Variants in ZGRF1 observed in about 807,000 individuals in gnomAD.
ZGRF1 encodes zinc finger GRF-type containing 1, also known as 5'-3' DNA helicase ZGRF1.
Under a neutral mutation model 203.5 loss-of-function variants are expected in ZGRF1, and 196 were observed. That is an observed-to-expected ratio of 0.96 (90% CI 0.86 to 1.08). The LOEUF is 1.08. ZGRF1 is among the 50% of genes least tolerant of loss of function. The pLI, the probability that ZGRF1 is intolerant of heterozygous loss-of-function variation, is 0.00. For synonymous variants in ZGRF1, 809 were observed against 841.3 expected, an observed-to-expected ratio of 0.96 and a Z score of 0.66; for missense variants, 2,326 against 2,416.3, an observed-to-expected ratio of 0.96 and a Z score of 0.78.
intron 16 of ZGRF1, among the ~76,000 whole-genome samples, chr4:112,572,067 G>A (rs1262717025): frequency 6.6e-6 from 1 of 151,890 alleles, no homozygotes; most frequent in African/African-American, 2.4e-5. Flanking sequence ...TAGCAAAATT[G>A]GTAATTAAAA....
intron 24 of ZGRF1, among the ~76,000 whole-genome samples, chr4:112,543,532 TC>T (rs1399348714): frequency 6.6e-6 from 1 of 152,052 alleles, no homozygotes; most frequent in Non-Finnish European, 1.5e-5. Flanking sequence ...CTTTTAGAAT[TC>T]CCCCAAATAA....
chr4:112,547,520 T>A lies in ZGRF1; in HGVS notation c.5475-112A>T. 3.2e-6 allele frequency: 3 copies of A among 925,680 alleles called. No individual in the cohort carries two copies. In the Admixed American group the frequency reaches 8.1e-5, roughly 25 times the overall value. 57.3% of individuals were successfully genotyped at this position (925,680 alleles called of 1,614,324 possible). A position where few individuals can be genotyped will look rare whatever the true frequency, so the allele number is the denominator to read the frequency against. On this transcript the variant is annotated intron_variant, in intron 23 of 27. Coordinates refer to ENST00000505019, the MANE Select transcript of ZGRF1 (RefSeq NM_018392.5). ...CGAAATATTCAAATGCCATGAAGTA[T>A]CCTGAGTACTAATAAAGCTTAGTAG...
intron 16 of ZGRF1, among the ~76,000 whole-genome samples, chr4:112,573,216 T>C (rs1393028125): frequency 6.7e-6 from 1 of 149,508 alleles, no homozygotes; most frequent in Non-Finnish European, 1.5e-5. Context: ...GGAATACTAT[T>C]CAGCCATAAA....
Position 112,540,164 on chromosome 4 carries a change from T to C in ZGRF1, c.5911-40A>G, listed in dbSNP as rs377360011. On this transcript the variant is annotated intron_variant, in intron 26 of 27. Transcript: ENST00000505019. The stretch of plus-strand genomic sequence containing the variant: ...ACAGCAATCATGTAGTAAGAGATTG[T>C]GAAGAACTTAAGCCTCTGAACCTGC... 28 of 1,451,586 alleles carry C rather than the reference T, an allele frequency of 1.9e-5. No individual in the cohort carries two copies. In the African/African-American group the frequency reaches 2.0e-4, roughly 10 times the overall value. 89.9% of individuals were successfully genotyped at this position (1,451,586 alleles called of 1,614,324 possible). A position where few individuals can be genotyped will look rare whatever the true frequency, so the allele number is the denominator to read the frequency against.
At chr4:112,551,726 A>G (rs1739992821) in intron 22 of ZGRF1, among the ~76,000 whole-genome samples, 2 of 152,212 alleles carry the variant, frequency 1.3e-5, no homozygotes, top group African/African-American at 4.8e-5. Flanking sequence ...ATTTCTGGCA[A>G]CTATATCTAC....
At chr4:112,547,182 A>T in intron 24 of ZGRF1, 103 bp downstream of exon 24, 1 of 1,164,664 alleles carries the variant, frequency 8.6e-7, no homozygotes, top group Non-Finnish European at 1.2e-6. Context: ...ACATTATTTT[A>T]AGGCAGGACT....
At chr4:112,592,245 G>A (rs1347943067) in intron 10 of ZGRF1, among the ~76,000 whole-genome samples, 2 of 151,984 alleles carry the variant, frequency 1.3e-5, no homozygotes, top group East Asian at 3.9e-4. Context: ...CTACAGGCGT[G>A]TGCCACCACC....
intron 23 of ZGRF1, 75 bp downstream of exon 23, chr4:112,548,178 C>A: frequency 7.3e-7 from 1 of 1,379,106 alleles, no homozygotes; most frequent in Non-Finnish European, 9.9e-7. Context: ...TAGACTCAAG[C>A]AATCCACCTG....
At chr4:112,589,580 T>G in intron 11 of ZGRF1, 144 bp downstream of exon 11, 1 of 692,254 alleles carries the variant, frequency 1.4e-6, no homozygotes, top group Non-Finnish European at 2.5e-6. Flanking sequence ...TAGAAAAAGT[T>G]CAAAGGAAGA....
At chr4:112,588,100 AG>A (rs1459999139) in intron 11 of ZGRF1, among the ~76,000 whole-genome samples, 171 bp from the exon 12 acceptor site, 1 of 152,110 alleles carries the variant, frequency 6.6e-6, no homozygotes, top group African/African-American at 2.4e-5. Flanking sequence ...CAAAAAATAA[AG>A]ATTTCAAAGC....
intron 16 of ZGRF1, among the ~76,000 whole-genome samples, chr4:112,576,428 G>C (rs1218751609): frequency 1.3e-5 from 2 of 152,204 alleles, no homozygotes; most frequent in Admixed American, 6.5e-5. Context: ...GCTGGACAGA[G>C]AATGACTTTG....
intron 10 of ZGRF1, among the ~76,000 whole-genome samples, chr4:112,593,064 T>C (rs1314576081): frequency 6.6e-6 from 1 of 152,232 alleles, no homozygotes; most frequent in African/African-American, 2.4e-5. Flanking sequence ...GCTGGAACCT[T>C]GATCTTGGAC....
intron 1 of ZGRF1, among the ~76,000 whole-genome samples, chr4:112,636,249 A>G (rs1164716785): frequency 9.9e-5 from 15 of 152,228 alleles, no homozygotes; most frequent in Admixed American, 9.8e-4. Context: ...ATATACATAC[A>G]TACATACACA....
rs2149025712 is a variant in ZGRF1 at position 112,587,494 on chromosome 4, T to C, written c.3563A>G (p.Gln1188Arg). ...GMHFRDTSER[Q>R]SDAVNESSLD... ...AGAGCTTTCATTGACAGCATCACTC[T>C]GTCTTTCACTTGTGTCTCTAAAATG... Residue 1188 changes from glutamine (Q) to arginine (R), a missense_variant, in exon 12 of 28, where the codon CAG becomes CGG. Transcript: ENST00000505019. 1 of 1,611,662 alleles carries C rather than the reference T, an allele frequency of 6.2e-7. No individual in the cohort carries two copies. The highest frequency in any genetic ancestry group is 8.5e-7 in the Non-Finnish European group (1 of 1,177,764).
At position 112,585,634 on chromosome 4, in the gene ZGRF1, T is replaced by C. The variant is rs371081586; in HGVS notation, c.4008A>G (p.Gly1336=). The C allele has an allele frequency of 5.0e-6, 8 of 1,611,114 alleles. No homozygotes were observed. The African/African-American group carries it at 8.1e-5, about 16-fold the overall frequency. Residue 1336 remains glycine, a synonymous_variant, in exon 14 of 28, where the codon GGA becomes GGG. Transcript: ENST00000505019. The stretch of plus-strand genomic sequence containing the variant: ...TATTTTCTGCGTTTTTCAGTTTCTC[T>C]CCCTTCAATGATGTATAAAATGATA... The part of the protein sequence containing the change: ...VDISFYTSLK[G]EKLKNAENNV...
intron 4 of ZGRF1, among the ~76,000 whole-genome samples, chr4:112,621,653 CAAAA>C (rs759426408): frequency 1.1e-5 from 1 of 90,800 alleles, no homozygotes; most frequent in Admixed American, 1.1e-4. Context: ...AACTCCATCT[CAAAA>C]AAAAAAAAAA....
At chr4:112,631,802 A>T (rs114375228) in intron 3 of ZGRF1, 128 bp downstream of exon 3, 15,662 of 473,894 alleles carry the variant, frequency 0.033, 334 homozygotes, top group Non-Finnish European at 0.041. Flanking sequence ...GATCATTTGA[A>T]AATCTGTTTT....
intron 24 of ZGRF1, chr4:112,546,671 C>G (rs1738835950): frequency 6.6e-6 from 1 of 152,120 alleles, no homozygotes; most frequent in Non-Finnish European, 1.5e-5. Context: ...TAATGCCATT[C>G]CTGGTATATG....
In ZGRF1 at chr4:112,585,627, GTT is replaced by G; in HGVS notation, c.4013_4014del (p.Lys1338ThrfsTer7). 1 of 1,610,174 alleles carries G rather than the reference GTT, an allele frequency of 6.2e-7. No homozygotes were observed. The highest frequency in any genetic ancestry group is 1.3e-5 in the African/African-American group (1 of 74,362). On this transcript the variant is annotated frameshift_variant, in exon 14 of 28. Transcript: ENST00000505019. LOFTEE classifies it high-confidence loss of function. ...GGTACATTATTTTCTGCGTTTTTCA[GTT>G]TCTCTCCCTTCAATGATGTATAAAA... Reference protein sequence around the residue: ...ISFYTSLKGEKLKNAENNVPS... With the variant: ...ISFYTSLKGEXLKNAENNVPS...
Sources: allele counts gnomAD v4.1 joint callset (sites outside exome capture counted in the v4.1 genomes callset), GRCh38; gene constraint gnomAD v4.1.1; transcripts MANE v1.5; gene names NCBI Gene and HGNC (gene_info 2026-07-23, HGNC 2026-07-21).